The following AKAP1 variants were observed in gnomAD, a reference collection of about 807,000 sequenced individuals.
AKAP1 encodes A-kinase anchoring protein 1.
A neutral mutation model predicts 79.8 loss-of-function variants in AKAP1; 32 were observed. The ratio of observed to expected loss-of-function variants is 0.40; its 90% CI spans 0.30 to 0.54. AKAP1 has a LOEUF of 0.54. Among genes scored for constraint, AKAP1 ranks in the 20% least tolerant of loss-of-function variants. The pLI is 0.47. For synonymous variants in AKAP1, 416 were observed against 466.7 expected (o/e 0.89, Z 1.40); for missense variants, 961 against 1,138.9 (o/e 0.84, Z 2.25).
chr17:57,112,160 G>A (rs1263188053), intron 4 of AKAP1, among the ~76,000 whole-genome samples: 1 of 151,982 alleles, frequency 6.6e-6, no homozygotes, highest in African/African-American at 2.4e-5. Flanking sequence ...TTGGTTGGGC[G>A]GGGCCTGGGT....
chr17:57,112,472 G>GC lies in AKAP1; in HGVS notation c.1976-14dup, dbSNP rs1251743573. On this transcript the variant is annotated intron_variant, in intron 4 of 10. Transcript: ENST00000337714. ...TCCTCTTACAGTGATTGTATGTCCTGCCCCCATCCGCTATTTAGGCTCTCA... is the reference window on the plus strand; with the variant it reads ...TCCTCTTACAGTGATTGTATGTCCTGCCCCCCATCCGCTATTTAGGCTCTCA... The GC allele has an allele frequency of 2.5e-6, 4 of 1,610,986 alleles. No individual in the cohort carries two copies. Among genetic ancestry groups the GC allele is most frequent in the Non-Finnish European group, 2.5e-6 (3 of 1,178,518 alleles).
chr17:57,112,728 C>T (rs1915329300), intron 5 of AKAP1, 110 bp downstream of exon 5: 15 of 1,423,808 alleles, frequency 1.1e-5, no homozygotes, highest in Non-Finnish European at 1.4e-5. Context: ...ACATGAGTGC[C>T]TGCGCCCTCT....
chr17:57,116,975 G>A (rs376049585), intron 8 of AKAP1, 48 bp downstream of exon 8: 57 of 1,561,204 alleles, frequency 3.7e-5, no homozygotes, highest in Non-Finnish European at 4.8e-5. Flanking sequence ...GACAGTTGTT[G>A]AGAGTAGGTC....
chr17:57,118,392 T>C lies in AKAP1; in HGVS notation c.2512T>C (p.Phe838Leu). ...SVMPLSDDDQ[F>L]SPEADAAMSE... ...TTTTCCTCCTGAAGACGATGACCAG[T>C]TTTCACCGGAAGCAGATGCCGCCAT... The change falls in exon 9 of 11, where the codon TTT becomes CTT. Residue 838 changes from phenylalanine to leucine, a missense_variant. Physicochemically the swap from Phe to Leu is conservative, Grantham distance 22. Around this residue, in one of 3 missense-constraint regions of AKAP1, gnomAD observed 629 missense variants for 781.1 expected, o/e 0.81. Transcript: ENST00000337714. 1 of 1,613,788 alleles carries C rather than the reference T, an allele frequency of 6.2e-7. No individual in the cohort carries two copies. Among genetic ancestry groups the C allele is most frequent in the Non-Finnish European group, 8.5e-7 (1 of 1,179,888 alleles).
At position 57,113,036 on chromosome 17, in the gene AKAP1, C is replaced by T. The variant is rs553622525; in HGVS notation, c.2103+418C>T. 1.1e-3 allele frequency among the ~76,000 whole-genome samples: 171 copies of T among 152,300 alleles called. 1 individual carries two copies. Among genetic ancestry groups the T allele is most frequent in the African/African-American group, 4.0e-3 (166 of 41,564 alleles). On this transcript the variant is annotated intron_variant, in intron 5 of 10. Coordinates refer to ENST00000337714, the MANE Select transcript of AKAP1 (RefSeq NM_003488.4). ...GTTCTTTCTTCTGGTTGAGTCAGGCCTTAACAGTGGCCCTGGTGAAGGATC... is the reference window on the plus strand; with the variant it reads ...GTTCTTTCTTCTGGTTGAGTCAGGCTTTAACAGTGGCCCTGGTGAAGGATC...
intron 3 of AKAP1, 43 bp from the exon 4 acceptor site, chr17:57,111,755 G>T (rs116680908): frequency 1.2e-6 from 2 of 1,607,572 alleles, no homozygotes; most frequent in Non-Finnish European, 1.7e-6. Flanking sequence ...CCAGGGAATT[G>T]GTTTCCCTTT....
At chr17:57,104,029 G>C (rs1440763715) in intron 1 of AKAP1, among the ~76,000 whole-genome samples, 1 of 151,924 alleles carries the variant, frequency 6.6e-6, no homozygotes, top group African/African-American at 2.4e-5. Context: ...CTTGATCTCG[G>C]CTCACTGCAA....
intron 1 of AKAP1, among the ~76,000 whole-genome samples, chr17:57,105,147 G>C (rs1914761929): frequency 6.6e-6 from 1 of 152,232 alleles, no homozygotes; most frequent in East Asian, 1.9e-4. Context: ...TTGGCATCAT[G>C]AAGTGATGAA....
At chr17:57,087,632 C>G (rs547289457) in intron 1 of AKAP1, among the ~76,000 whole-genome samples, 1 of 152,142 alleles carries the variant, frequency 6.6e-6, no homozygotes, top group Non-Finnish European at 1.5e-5. Flanking sequence ...TTGCTCTTCC[C>G]CTCTCCTCCC....
In AKAP1 at chr17:57,086,234, G is replaced by A; in HGVS notation, c.-25+836G>A. On this transcript the variant is annotated intron_variant, in intron 1 of 10. Transcript: ENST00000337714. This position sits in a 1 kb window ranked among gnomAD's most constrained non-coding sequence, Gnocchi z 5.1. ...CCCCGCCTGCGGCCCAGGGCCCGGG[G>A]TCTGCGATCTGGAGGGACCGCGCCA... 1 of 330,434 alleles carries A rather than the reference G, an allele frequency of 3.0e-6. No individual in the cohort carries two copies. The highest frequency in any genetic ancestry group is 5.9e-6 in the Non-Finnish European group (1 of 168,186). 20.5% of individuals were successfully genotyped at this position (330,434 alleles called of 1,614,324 possible). A position where few individuals can be genotyped will look rare whatever the true frequency, so the allele number is the denominator to read the frequency against.
chr17:57,102,797 A>T (rs906445632), intron 1 of AKAP1, among the ~76,000 whole-genome samples: 3 of 152,138 alleles, frequency 2.0e-5, no homozygotes, highest in Admixed American at 6.6e-5. Context: ...AACCTTCAAG[A>T]TAGTAATTCA....
chr17:57,091,312 G>C (rs565958011), intron 1 of AKAP1, among the ~76,000 whole-genome samples: 3 of 151,524 alleles, frequency 2.0e-5, no homozygotes, highest in Non-Finnish European at 2.9e-5. Flanking sequence ...TTTTTAGCAG[G>C]TGGCATCCTT....
At chr17:57,100,314 G>A (rs150332374) in intron 1 of AKAP1, among the ~76,000 whole-genome samples, 14 of 152,260 alleles carry the variant, frequency 9.2e-5, no homozygotes, top group East Asian at 7.7e-4. Context: ...GGCCAGGCGC[G>A]GTGGCTCACG....
intron 5 of AKAP1, among the ~76,000 whole-genome samples, chr17:57,113,090 C>T (rs368106561): frequency 6.6e-6 from 1 of 152,184 alleles, no homozygotes; most frequent in East Asian, 1.9e-4. Flanking sequence ...CCAGGAGGTG[C>T]CTAAATTACA....
chr17:57,120,068 C>T (rs566115088), intron 10 of AKAP1, among the ~76,000 whole-genome samples, 182 bp from the exon 11 acceptor site: 1 of 152,054 alleles, frequency 6.6e-6, no homozygotes, highest in South Asian at 2.1e-4. Flanking sequence ...TCAGGTGATC[C>T]ACCTGCCTCA....
rs1196838539 is a variant in AKAP1 at position 57,106,832 on chromosome 17, A to G, written c.1368A>G (p.Ala456=). The change falls in exon 2 of 11, where the codon GCA becomes GCG. Residue 456 remains alanine, a synonymous_variant. Transcript: ENST00000337714. ...AGGACAGTAAGCCAAATATCTCTGC[A>G]CACCACATCTCCCTGGCCTCCTGCC... The part of the protein sequence containing the change: ...PTKDSKPNIS[A]HHISLASCLA... 1.2e-6 allele frequency: 2 copies of G among 1,614,142 alleles called. No individual in the cohort carries two copies. Among genetic ancestry groups the G allele is most frequent in the Non-Finnish European group, 1.7e-6 (2 of 1,180,026 alleles).
At chr17:57,087,673 C>G (rs1913543687) in intron 1 of AKAP1, among the ~76,000 whole-genome samples, 1 of 152,192 alleles carries the variant, frequency 6.6e-6, no homozygotes, top group Non-Finnish European at 1.5e-5. Context: ...CTTTGTTTCT[C>G]TTGAATTACT....
intron 1 of AKAP1, chr17:57,092,983 GCA>G (rs1449518228): frequency 6.6e-6 from 1 of 152,650 alleles, no homozygotes; most frequent in East Asian, 1.9e-4. Context: ...CCAGATCTTG[GCA>G]CAGTTCTCAA....
intron 3 of AKAP1, among the ~76,000 whole-genome samples, chr17:57,111,191 G>GT (rs1915225604): frequency 6.6e-6 from 1 of 152,238 alleles, no homozygotes; most frequent in Non-Finnish European, 1.5e-5. Context: ...CCCATCTTAC[G>GT]TAAGGGCTAA....
Sources: allele counts gnomAD v4.1 joint callset (sites outside exome capture counted in the v4.1 genomes callset), GRCh38; gene constraint gnomAD v4.1.1; regional missense constraint gnomAD v4.1.1; non-coding constraint Gnocchi (gnomAD v3.1); transcripts MANE v1.5; gene names NCBI Gene and HGNC (gene_info 2026-07-23, HGNC 2026-07-21).